EYS: variants seen among roughly 807,000 people sequenced by gnomAD.
The protein encoded by EYS is EGF-like photoreceptor maintenance factor, also known as protein eyes shut homolog.
A neutral mutation model predicts 282.1 loss-of-function variants in EYS; 250 were observed. The ratio of observed to expected loss-of-function variants is 0.89; its 90% CI spans 0.80 to 0.98. EYS has a LOEUF of 0.98. EYS is among the 50% of genes least tolerant of loss of function. The pLI, the probability that EYS is intolerant of heterozygous loss-of-function variation, is 0.00. For synonymous variants in EYS, 1,355 were observed against 1,282.9 expected (o/e 1.06, Z -1.20); for missense variants, 4,016 against 3,709.0 (o/e 1.08, Z -2.15).
intron 35 of EYS, among the ~76,000 whole-genome samples, chr6:63,937,989 C>T (rs1765123725): frequency 1.3e-5 from 2 of 152,258 alleles, no homozygotes; most frequent in East Asian, 1.9e-4. Flanking sequence ...AAAATCAATT[C>T]CATTTAATTG....
In EYS at chr6:64,572,404, G is replaced by A. The variant is rs191072015; in HGVS notation, c.5644+17819C>T. ...TCTCTCTCACCAAGTTCTGGCCAGG[G>A]CAATCAGGCAAGAGAAAGAAATAAA... On this transcript the variant is annotated intron_variant, in intron 26 of 42. Transcript: ENST00000503581. Among the ~76,000 whole-genome samples the A allele has an allele frequency of 5.9e-5, 9 of 151,986 alleles. No individual in the cohort carries two copies. In the East Asian group the frequency reaches 1.7e-3, roughly 29 times the overall value.
At chr6:64,394,135 C>T (rs1257687698) in intron 28 of EYS, among the ~76,000 whole-genome samples, 4 of 152,026 alleles carry the variant, frequency 2.6e-5, no homozygotes, top group East Asian at 3.9e-4. Flanking sequence ...TAAAAGAGGA[C>T]AGAAACAAAT....
intron 35 of EYS, among the ~76,000 whole-genome samples, chr6:63,893,804 C>G (rs760840560): frequency 1.3e-5 from 2 of 152,106 alleles, no homozygotes; most frequent in African/African-American, 4.8e-5. Context: ...AAATTCAGAG[C>G]AGATGTTTTT....
intron 22 of EYS, among the ~76,000 whole-genome samples, chr6:64,778,690 C>A (rs1484245588): frequency 6.6e-6 from 1 of 152,062 alleles, no homozygotes; most frequent in African/African-American, 2.4e-5. Context: ...CTCCTAAAAA[C>A]CACCACCAAC....
At chr6:64,930,901 C>G (rs2150087021) in intron 15 of EYS, among the ~76,000 whole-genome samples, 2 of 152,248 alleles carry the variant, frequency 1.3e-5, no homozygotes, top group South Asian at 4.1e-4. Flanking sequence ...TACAGAGCCC[C>G]ATCTGTAGCT....
chr6:64,365,813 C>G (rs1039877612), intron 29 of EYS, among the ~76,000 whole-genome samples: 1 of 152,004 alleles, frequency 6.6e-6, no homozygotes. Context: ...TCATCTCTCT[C>G]TCTTCCTCTC....
chr6:64,766,650 ATATATATAT>A (rs1381161224), intron 22 of EYS, among the ~76,000 whole-genome samples: 681 of 27,598 alleles, frequency 0.025, 58 homozygotes, highest in East Asian at 0.12. Flanking sequence ...AAAAAAAAAA[ATATATATAT>A]ATATATATAT....
intron 26 of EYS, among the ~76,000 whole-genome samples, chr6:64,552,885 C>A (rs757951088): frequency 6.6e-6 from 1 of 151,990 alleles, no homozygotes; most frequent in Non-Finnish European, 1.5e-5. Flanking sequence ...CGCCATTGCA[C>A]TCCAGCCTGG....
At chr6:65,505,484 A>C (rs1766623918) in intron 2 of EYS, among the ~76,000 whole-genome samples, 1 of 151,870 alleles carries the variant, frequency 6.6e-6, no homozygotes, top group South Asian at 2.1e-4. Flanking sequence ...TTAAAGTAGA[A>C]GCTTAAGTTA....
At chr6:63,765,027 A>G (rs898635394) in intron 40 of EYS, among the ~76,000 whole-genome samples, 2 of 151,970 alleles carry the variant, frequency 1.3e-5, no homozygotes, top group Non-Finnish European at 2.9e-5. Flanking sequence ...TCCCTTAACC[A>G]CATATACTAC....
At chr6:64,955,113 G>A (rs937688090) in intron 14 of EYS, among the ~76,000 whole-genome samples, 14 of 152,086 alleles carry the variant, frequency 9.2e-5, no homozygotes, top group Non-Finnish European at 1.9e-4. Context: ...CTGGGAGGCG[G>A]AGGCAGCAGT....
intron 29 of EYS, among the ~76,000 whole-genome samples, chr6:64,337,322 C>A (rs1770890594): frequency 6.6e-6 from 1 of 151,928 alleles, no homozygotes; most frequent in South Asian, 2.1e-4. Flanking sequence ...CACTGAAATA[C>A]AAAAGATCAT....
intron 11 of EYS, among the ~76,000 whole-genome samples, chr6:65,320,530 C>T (rs537812674): frequency 2.8e-4 from 43 of 152,224 alleles, no homozygotes; most frequent in African/African-American, 8.2e-4. Flanking sequence ...GGAAGAGATG[C>T]CTCTTGGTAC....
intron 1 of EYS, among the ~76,000 whole-genome samples, chr6:65,643,803 A>G (rs1767364602): frequency 6.6e-6 from 1 of 152,000 alleles, no homozygotes; most frequent in Non-Finnish European, 1.5e-5. Flanking sequence ...TGGTGGCTAG[A>G]TCCAAAAAAG....
At chr6:64,300,810 GGACA>G (rs1435260516) in intron 30 of EYS, among the ~76,000 whole-genome samples, 1 of 152,152 alleles carries the variant, frequency 6.6e-6, no homozygotes, top group Non-Finnish European at 1.5e-5. Context: ...TAGCAGAACA[GGACA>G]GAGAAAGATT....
At chr6:64,023,966 T>A (rs1427904182) in intron 33 of EYS, among the ~76,000 whole-genome samples, 1 of 152,178 alleles carries the variant, frequency 6.6e-6, no homozygotes, top group Non-Finnish European at 1.5e-5. Flanking sequence ...CTTGGCTGCC[T>A]TCCCGCGGGG....
chr6:64,696,224 T>A lies in EYS; in HGVS notation c.3444-69979A>T, dbSNP rs116680980. Among the ~76,000 whole-genome samples the A allele has an allele frequency of 5.4e-3, 820 of 152,232 alleles. 3 individuals carry two copies. Among genetic ancestry groups the A allele is most frequent in the Non-Finnish European group, 9.2e-3 (625 of 68,010 alleles). ...TTTGTTGAAAGAATTACAAAATACATTTGAAAGCTTCAACAGTAGAATAGA... is the reference window on the plus strand; with the variant it reads ...TTTGTTGAAAGAATTACAAAATACAATTGAAAGCTTCAACAGTAGAATAGA... On this transcript the variant is annotated intron_variant, in intron 22 of 42. Coordinates refer to ENST00000503581, the MANE Select transcript of EYS (RefSeq NM_001142800.2).
chr6:63,893,093 G>A (rs1313979954), intron 35 of EYS, among the ~76,000 whole-genome samples: 1 of 152,182 alleles, frequency 6.6e-6, no homozygotes, highest in East Asian at 1.9e-4. Context: ...TATTGGAGAG[G>A]ATGTGGAGAA....
intron 12 of EYS, among the ~76,000 whole-genome samples, chr6:65,064,866 G>T (rs1315999687): frequency 6.6e-6 from 1 of 152,078 alleles, no homozygotes; most frequent in Non-Finnish European, 1.5e-5. Flanking sequence ...TGGACTGAAA[G>T]CTGGGAAGTG....
Sources: allele counts gnomAD v4.1 joint callset (sites outside exome capture counted in the v4.1 genomes callset), GRCh38; gene constraint gnomAD v4.1.1; transcripts MANE v1.5; gene names NCBI Gene and HGNC (gene_info 2026-07-23, HGNC 2026-07-21).